FBXO22: variants seen among roughly 807,000 people sequenced by gnomAD.
The protein encoded by FBXO22 is F-box protein 22.
A neutral mutation model predicts 37.2 loss-of-function variants in FBXO22; 13 were observed. That is an observed-to-expected ratio of 0.35 (90% CI 0.23 to 0.56). The LOEUF (loss-of-function observed/expected upper bound fraction) is 0.56. Among genes scored for constraint, FBXO22 ranks in the 20% least tolerant of loss-of-function variants. The pLI is 0.87. For missense variants in FBXO22, 446 were observed against 509.9 expected (o/e 0.87, Z 1.21); for synonymous variants, 189 against 189.1 (o/e 1.00, Z 0.00).
intron 5 of FBXO22, among the ~76,000 whole-genome samples, chr15:75,917,875 A>G (rs1900223163): frequency 6.6e-6 from 1 of 152,208 alleles, no homozygotes; most frequent in African/African-American, 2.4e-5. Context: ...GAAATATATG[A>G]GTTAAGGCAA....
Position 75,917,526 on chromosome 15 carries a change from G to A in FBXO22, c.628+132G>A, listed in dbSNP as rs188243514. 1.3e-5 allele frequency: 8 copies of A among 619,868 alleles called. No homozygotes were observed. The East Asian group carries it at 1.5e-4, about 12-fold the overall frequency. The allele number at this position is 619,868 out of a possible 1,614,324, so 38.4% of individuals were successfully genotyped here. On this transcript the variant is annotated intron_variant, in intron 5 of 6. Coordinates refer to ENST00000308275, the MANE Select transcript of FBXO22 (RefSeq NM_147188.3). Reference sequence around the variant, plus strand: ...ATTAAGTACACCTGTCACTGGAGATGTGGCTAATTCAAACAGGTGATTCAC... The same window carrying A: ...ATTAAGTACACCTGTCACTGGAGATATGGCTAATTCAAACAGGTGATTCAC...
At chr15:75,929,770 C>A in intron 5 of FBXO22, 114 bp from the exon 6 acceptor site, 4 of 1,157,944 alleles carry the variant, frequency 3.5e-6, no homozygotes, top group South Asian at 3.0e-5. Context: ...TAGCTTAAGC[C>A]ACTAAATTGC....
At chr15:75,932,413 G>A (rs1595920048) in intron 6 of FBXO22, among the ~76,000 whole-genome samples, 1 of 152,072 alleles carries the variant, frequency 6.6e-6, no homozygotes, top group Non-Finnish European at 1.5e-5. Flanking sequence ...TCTAATAACC[G>A]GATATGGGTT....
At chr15:75,928,785 A>G (rs1028723179) in intron 5 of FBXO22, among the ~76,000 whole-genome samples, 4 of 152,118 alleles carry the variant, frequency 2.6e-5, no homozygotes, top group African/African-American at 9.7e-5. Flanking sequence ...CTCCAGTGAA[A>G]CCTGGGAGCT....
chr15:75,930,859 G>A (rs180957319), intron 6 of FBXO22: 71 of 983,842 alleles, frequency 7.2e-5, no homozygotes, highest in Non-Finnish European at 8.4e-6. Flanking sequence ...GGGACAGACT[G>A]TTGCAGATCA....
intron 6 of FBXO22, chr15:75,930,971 T>A: frequency 5.2e-6 from 3 of 572,966 alleles, no homozygotes; most frequent in Non-Finnish European, 6.6e-6. Context: ...GTCCCTGGAC[T>A]GCCAGGGAGG....
At chr15:75,924,362 T>C (rs1352311856) in intron 5 of FBXO22, among the ~76,000 whole-genome samples, 1 of 152,200 alleles carries the variant, frequency 6.6e-6, no homozygotes, top group Non-Finnish European at 1.5e-5. Context: ...CCTTGAGCCA[T>C]TTCTTAGCTT....
rs890119565 is a variant in FBXO22 at position 75,933,213 on chromosome 15, T to C, written c.*111T>C. On this transcript the variant is annotated 3_prime_UTR_variant, in exon 7 of 7. Transcript: ENST00000308275. ...AAAATAACTTTAGATATATCTTTTTTGTAGCTTTGATTGATGCTCTAAGAT... is the reference window on the plus strand; with the variant it reads ...AAAATAACTTTAGATATATCTTTTTCGTAGCTTTGATTGATGCTCTAAGAT... 1.1e-6 allele frequency: 1 copy of C among 885,108 alleles called. No homozygotes were observed. 54.8% of individuals were successfully genotyped at this position (885,108 alleles called of 1,614,324 possible). A position where few individuals can be genotyped will look rare whatever the true frequency, so the allele number is the denominator to read the frequency against.
chr15:75,930,125 A>T (rs1471644390), intron 6 of FBXO22, 76 bp downstream of exon 6: 1 of 1,602,124 alleles, frequency 6.2e-7, no homozygotes, highest in Non-Finnish European at 8.5e-7. Flanking sequence ...TGGGGTTAAC[A>T]ATTTAAAAAA....
chr15:75,932,571 A>T, intron 6 of FBXO22, 114 bp from the exon 7 acceptor site: 1 of 971,258 alleles, frequency 1.0e-6, no homozygotes. Context: ...GCCTCAGATT[A>T]ACCATAGGCT....
chr15:75,926,913 T>A (rs1192186754), intron 5 of FBXO22, among the ~76,000 whole-genome samples: 1 of 152,238 alleles, frequency 6.6e-6, no homozygotes, highest in Non-Finnish European at 1.5e-5. Context: ...GTGCAGCATC[T>A]GGGAAGATAA....
rs951787739 is a variant in FBXO22, at chr15:75,941,224, C to T, written c.*8122C>T. ...AGTAAGGAAATGCAAATCAAAACCA[C>T]ATTGAGATACCACTTCATACCCACT... On this transcript the variant is annotated 3_prime_UTR_variant, in exon 7 of 7. Coordinates refer to ENST00000308275, the MANE Select transcript of FBXO22 (RefSeq NM_147188.3). 13 of 152,142 alleles carry T rather than the reference C, an allele frequency of 8.5e-5. No individual in the cohort carries two copies. Among genetic ancestry groups the T allele is most frequent in the Admixed American group, 2.0e-4 (3 of 15,278 alleles). 9.4% of individuals were successfully genotyped at this position (152,142 alleles called of 1,614,324 possible). A position where few individuals can be genotyped will look rare whatever the true frequency, so the allele number is the denominator to read the frequency against.
At chr15:75,921,709 CA>C (rs979035485) in intron 5 of FBXO22, among the ~76,000 whole-genome samples, 3 of 151,788 alleles carry the variant, frequency 2.0e-5, no homozygotes, top group East Asian at 1.9e-4. Context: ...TTTAGCTAGA[CA>C]AAAAAAATTT....
At position 75,940,079 on chromosome 15, in the gene FBXO22, T is replaced by TA. The variant is rs1403294549; in HGVS notation, c.*6978dup. 2 of 149,838 alleles carry TA rather than the reference T, an allele frequency of 1.3e-5. No individual in the cohort carries two copies. Among genetic ancestry groups the TA allele is most frequent in the Non-Finnish European group, 3.0e-5 (2 of 67,544 alleles). The allele number at this position is 149,838 out of a possible 1,614,324, so 9.3% of individuals were successfully genotyped here. On this transcript the variant is annotated 3_prime_UTR_variant, in exon 7 of 7. Coordinates refer to ENST00000308275, the MANE Select transcript of FBXO22 (RefSeq NM_147188.3). ...TAAAATCCTATATGTTCACAAATGA[T>TA]ATGATCTTTAGACAACCCGAAAGAT...
chr15:75,920,367 T>C (rs1388612517), intron 5 of FBXO22, among the ~76,000 whole-genome samples: 1 of 152,176 alleles, frequency 6.6e-6, no homozygotes, highest in East Asian at 1.9e-4. Flanking sequence ...TCAAGTGTCA[T>C]TGAAGGCCTT....
At chr15:75,913,677 G>A (rs1900120023) in intron 3 of FBXO22, among the ~76,000 whole-genome samples, 1 of 152,132 alleles carries the variant, frequency 6.6e-6, no homozygotes, top group Non-Finnish European at 1.5e-5. Flanking sequence ...TGAGGGAAAA[G>A]GCAGAATGGG....
rs1900209411 is a variant in FBXO22, at chr15:75,917,149, AATG to A, written c.464-78_464-76del. ...TACTCAGATAGTGGCTTGTTAGCTT[AATG>A]ATTATCTTAGTGACCTAAACTGTAG... On this transcript the variant is annotated intron_variant, in intron 4 of 6. Transcript: ENST00000308275. The A allele has an allele frequency of 3.0e-6, 3 of 989,572 alleles. No individual in the cohort carries two copies. The African/African-American group carries it at 5.0e-5, about 16-fold the overall frequency. The allele number at this position is 989,572 out of a possible 1,614,324, so 61.3% of individuals were successfully genotyped here.
rs2030178043 is a variant in FBXO22 at position 75,934,207 on chromosome 15, T to C, written c.*1105T>C. On this transcript the variant is annotated 3_prime_UTR_variant, in exon 7 of 7. Transcript: ENST00000308275. ...GCATGACCATTTATTTGCCCCTTTC[T>C]CCATCCTGTTGCTTGGAATGTGGAT... The C allele has an allele frequency of 6.6e-6, 1 of 152,282 alleles. No homozygotes were observed. Among genetic ancestry groups the C allele is most frequent in the Non-Finnish European group, 1.5e-5 (1 of 68,094 alleles). 9.4% of individuals were successfully genotyped at this position (152,282 alleles called of 1,614,324 possible).
intron 5 of FBXO22, among the ~76,000 whole-genome samples, chr15:75,928,441 A>T (rs1192013558): frequency 3.9e-5 from 6 of 152,218 alleles, no homozygotes. Flanking sequence ...AGGGACATGG[A>T]TGGAGCTGGA....
Sources: allele counts gnomAD v4.1 joint callset (sites outside exome capture counted in the v4.1 genomes callset), GRCh38; gene constraint gnomAD v4.1.1; transcripts MANE v1.5; gene names NCBI Gene and HGNC (gene_info 2026-07-23, HGNC 2026-07-21).